DPP10: variants seen among roughly 807,000 people sequenced by gnomAD.
The protein encoded by DPP10 is dipeptidyl peptidase like 10.
Under a neutral mutation model 120.9 loss-of-function variants are expected in DPP10, and 33 were observed. The observed-to-expected ratio is 0.27, with a 90% confidence interval of 0.21 to 0.37. The LOEUF is 0.37. DPP10 is among the 10% of genes least tolerant of loss of function. The pLI is 1.00. For missense variants in DPP10, 816 were observed against 942.8 expected, an observed-to-expected ratio of 0.87 and a Z score of 1.76; for synonymous variants, 337 against 326.1, an observed-to-expected ratio of 1.03 and a Z score of -0.36.
At position 115,221,659 on chromosome 2, in the gene DPP10, A is replaced by G. The variant is rs570430149; in HGVS notation, c.61-87580A>G. Among the ~76,000 whole-genome samples the G allele has an allele frequency of 9.9e-5, 15 of 152,130 alleles. 1 individual carries two copies. The South Asian group carries it at 2.3e-3, about 23-fold the overall frequency. On this transcript the variant is annotated intron_variant, in intron 1 of 25. Transcript: ENST00000410059. ...TGAAAAAGATTGGTAGCATTATTCA[A>G]TACAATCATGGACACTAGAAGAGAT...
rs541374159 is a variant in DPP10 at position 114,452,987 on chromosome 2, A to C, written c.60+10149A>C. On this transcript the variant is annotated intron_variant, in intron 1 of 25. Coordinates refer to ENST00000410059, the MANE Select transcript of DPP10 (RefSeq NM_020868.6). ...CCCACAACTCTTGTTGGTTAGAACT[A>C]AATCTTGCACCAATTCCTTATCTAA... Among the ~76,000 whole-genome samples, 4 of 152,276 alleles carry C rather than the reference A, an allele frequency of 2.6e-5. No homozygotes were observed. In the East Asian group the frequency reaches 7.7e-4, roughly 29 times the overall value.
chr2:115,522,669 T>C (rs190195960), intron 4 of DPP10, among the ~76,000 whole-genome samples: 16 of 152,330 alleles, frequency 1.1e-4, no homozygotes, highest in Admixed American at 9.8e-4. Context: ...TGCATTTTTA[T>C]GCCCTTTGTA....
At chr2:115,699,036 C>CAAAAAAAAAA (rs1191197397) in intron 7 of DPP10, among the ~76,000 whole-genome samples, 1 of 50,788 alleles carries the variant, frequency 2.0e-5, no homozygotes, top group African/African-American at 6.9e-5. Context: ...AAAAAAAAAA[C>CAAAAAAAAAA]AAAAAAAAAA....
Position 114,806,702 on chromosome 2 carries a change from G to A in DPP10, c.60+363864G>A, listed in dbSNP as rs1684746514. Among the ~76,000 whole-genome samples the A allele has an allele frequency of 3.3e-5, 5 of 152,104 alleles. No individual in the cohort carries two copies. The South Asian group carries it at 1.0e-3, about 32-fold the overall frequency. On this transcript the variant is annotated intron_variant, in intron 1 of 25. Transcript: ENST00000410059. ...CCAAAAGCACATATCAGAAAAATTT[G>A]GCATATTACAATAAAACCATATGCT...
At chr2:115,379,039 T>G (rs2106451318) in intron 3 of DPP10, among the ~76,000 whole-genome samples, 1 of 152,350 alleles carries the variant, frequency 6.6e-6, no homozygotes, top group East Asian at 1.9e-4. Context: ...TCTGCCCGGC[T>G]TTGGTATCAG....
At chr2:115,048,695 T>C (rs367838054) in intron 1 of DPP10, among the ~76,000 whole-genome samples, 22 of 152,230 alleles carry the variant, frequency 1.4e-4, no homozygotes, top group African/African-American at 4.6e-4. Flanking sequence ...CCATTTTACA[T>C]AACAGTGCAC....
intron 1 of DPP10, among the ~76,000 whole-genome samples, chr2:114,672,779 A>G (rs1281388751): frequency 6.6e-6 from 1 of 152,142 alleles, no homozygotes; most frequent in Non-Finnish European, 1.5e-5. Context: ...AGCTTTCCAC[A>G]AGTAATTTAT....
At chr2:114,666,494 G>C (rs567736936) in intron 1 of DPP10, among the ~76,000 whole-genome samples, 49 of 152,242 alleles carry the variant, frequency 3.2e-4, no homozygotes, top group Non-Finnish European at 5.3e-4. Flanking sequence ...GCCATATCAT[G>C]GGTATTTAGC....
chr2:115,635,029 A>G (rs1420906536), intron 5 of DPP10, among the ~76,000 whole-genome samples: 1 of 151,918 alleles, frequency 6.6e-6, no homozygotes, highest in Non-Finnish European at 1.5e-5. Context: ...ACTATGGGGA[A>G]TTCCTCCAGG....
chr2:115,116,219 C>T (rs904784833), intron 1 of DPP10, among the ~76,000 whole-genome samples: 1 of 152,094 alleles, frequency 6.6e-6, no homozygotes, highest in Non-Finnish European at 1.5e-5. Context: ...TTGATGGCAA[C>T]CCAGAGCTAT....
intron 3 of DPP10, among the ~76,000 whole-genome samples, chr2:115,398,249 A>T (rs1164129260): frequency 6.6e-6 from 1 of 152,046 alleles, no homozygotes; most frequent in East Asian, 1.9e-4. Flanking sequence ...AGTGCTTAAG[A>T]AATTGGAATA....
intron 9 of DPP10, among the ~76,000 whole-genome samples, chr2:115,742,595 G>A (rs1049989780): frequency 6.6e-6 from 1 of 152,056 alleles, no homozygotes; most frequent in African/African-American, 2.4e-5. Context: ...AAAATAATCT[G>A]TTTTGGTCCT....
intron 5 of DPP10, among the ~76,000 whole-genome samples, chr2:115,541,485 T>C (rs1294231514): frequency 6.6e-6 from 1 of 151,680 alleles, no homozygotes. Context: ...TGTGTGTATC[T>C]GTGTGTGTGT....
intron 3 of DPP10, among the ~76,000 whole-genome samples, chr2:115,484,073 C>T (rs143234257): frequency 6.6e-6 from 1 of 152,032 alleles, no homozygotes; most frequent in East Asian, 1.9e-4. Flanking sequence ...AAACTCTGCT[C>T]AGAATTTTAA....
chr2:115,743,306 G>C (rs941344871), intron 9 of DPP10, among the ~76,000 whole-genome samples: 3 of 152,030 alleles, frequency 2.0e-5, no homozygotes, highest in African/African-American at 7.2e-5. Context: ...GCAGCCTAAC[G>C]CTTAGTTGAG....
At position 114,846,578 on chromosome 2, in the gene DPP10, GTTT is replaced by G. The variant is rs72304820; in HGVS notation, c.60+403750_60+403752del. ...AATGTAAATTCCATACTCAGATTCT[GTTT>G]TTTTTTTTTCCTGTCTTAAGATGAG... On this transcript the variant is annotated intron_variant, in intron 1 of 25. Coordinates refer to ENST00000410059, the MANE Select transcript of DPP10 (RefSeq NM_020868.6). Among the ~76,000 whole-genome samples, 2 of 146,784 alleles carry G rather than the reference GTTT, an allele frequency of 1.4e-5. 1 individual carries two copies. The highest frequency in any genetic ancestry group is 4.9e-5 in the African/African-American group (2 of 40,698).
intron 1 of DPP10, among the ~76,000 whole-genome samples, chr2:115,277,627 T>C (rs1278179128): frequency 1.3e-5 from 2 of 152,022 alleles, no homozygotes; most frequent in Non-Finnish European, 2.9e-5. Context: ...TAAAGGACAT[T>C]CTAGTTATAC....
At chr2:114,569,515 C>G (rs1689457498) in intron 1 of DPP10, among the ~76,000 whole-genome samples, 1 of 152,082 alleles carries the variant, frequency 6.6e-6, no homozygotes, top group South Asian at 2.1e-4. Context: ...CAGCAAGGAC[C>G]CGGCAGACTG....
chr2:115,033,028 T>G (rs750280174), intron 1 of DPP10, among the ~76,000 whole-genome samples: 1 of 152,200 alleles, frequency 6.6e-6, no homozygotes, highest in Non-Finnish European at 1.5e-5. Context: ...CTCCTTGCAC[T>G]TCTCTCTTGA....
Sources: allele counts gnomAD v4.1 joint callset (sites outside exome capture counted in the v4.1 genomes callset), GRCh38; gene constraint gnomAD v4.1.1; transcripts MANE v1.5; gene names NCBI Gene and HGNC (gene_info 2026-07-23, HGNC 2026-07-21).